MARK1: variants seen among roughly 807,000 people sequenced by gnomAD.
MARK1 encodes microtubule affinity regulating kinase 1, also known as serine/threonine-protein kinase MARK1.
In MARK1, 40 loss-of-function variants were observed where a neutral mutation model predicts 96.3. The observed-to-expected ratio is 0.42, with a 90% CI of 0.32 to 0.54. The LOEUF (loss-of-function observed/expected upper bound fraction) is 0.54. Ranked by LOEUF, MARK1 falls within the 20% of genes least tolerant of loss-of-function variation. The pLI, the probability that MARK1 is intolerant of heterozygous loss-of-function variation, is 0.16. For synonymous variants in MARK1, 317 were observed against 341.2 expected (o/e 0.93, Z 0.78); for missense variants, 719 against 984.6 (o/e 0.73, Z 3.61).
At position 220,635,409 on chromosome 1, in the gene MARK1, T is replaced by C; in HGVS notation, c.1156T>C (p.Leu386=). 1 of 1,608,180 alleles carries C rather than the reference T, an allele frequency of 6.2e-7. No homozygotes were observed. Among genetic ancestry groups the C allele is most frequent in the Non-Finnish European group, 8.5e-7 (1 of 1,177,680 alleles). ...EGGESLSSGN[L]CQRSRPSSDL... ...TGGTGAATCGTTATCCAGTGGAAAC[T>C]TGTGTCAGAGGTCCCGGCCCAGTAG... The change falls in exon 12 of 18, where the codon TTG becomes CTG. Residue 386 remains leucine (L), a synonymous_variant. Transcript: ENST00000366917.
chr1:220,655,317 ACTC>A (rs763760927), intron 16 of MARK1, among the ~76,000 whole-genome samples: 5 of 151,706 alleles, frequency 3.3e-5, no homozygotes, highest in Admixed American at 6.6e-5. Flanking sequence ...TGTATGAACA[ACTC>A]CTAACTGTAT....
chr1:220,630,861 T>C (rs2103004060), intron 9 of MARK1, among the ~76,000 whole-genome samples, 174 bp from the exon 10 acceptor site: 1 of 152,276 alleles, frequency 6.6e-6, no homozygotes, highest in South Asian at 2.1e-4. Context: ...GAGATAGTCA[T>C]AGTTGTTGTG....
chr1:220,542,890 T>C (rs929322907), intron 1 of MARK1, among the ~76,000 whole-genome samples: 3 of 152,220 alleles, frequency 2.0e-5, no homozygotes, highest in South Asian at 2.1e-4. Context: ...TACATACTTA[T>C]GGGATTTCCA....
intron 9 of MARK1, chr1:220,625,707 A>AC (rs1667286499): frequency 9.9e-6 from 4 of 404,914 alleles, no homozygotes; most frequent in South Asian, 7.7e-5. Context: ...TACTGTTGAG[A>AC]CCAACTGATG....
Position 220,662,652 on chromosome 1 carries a change from T to A in MARK1, c.*486T>A, listed in dbSNP as rs1332741581. Reference sequence around the variant, plus strand: ...TAGCATGGACCTTTAAAAATTGTTTTAAAATCTTATTTAAATTTAAACCAG... The same window carrying A: ...TAGCATGGACCTTTAAAAATTGTTTAAAAATCTTATTTAAATTTAAACCAG... On this transcript the variant is annotated 3_prime_UTR_variant, in exon 18 of 18. Coordinates refer to ENST00000366917, the MANE Select transcript of MARK1 (RefSeq NM_018650.5). 1 of 153,578 alleles carries A rather than the reference T, an allele frequency of 6.5e-6. No individual in the cohort carries two copies. The highest frequency in any genetic ancestry group is 1.5e-5 in the Non-Finnish European group (1 of 68,720). The allele number at this position is 153,578 out of a possible 1,614,324, so 9.5% of individuals were successfully genotyped here.
At chr1:220,534,568 A>G (rs1660550901) in intron 1 of MARK1, among the ~76,000 whole-genome samples, 1 of 152,062 alleles carries the variant, frequency 6.6e-6, no homozygotes, top group South Asian at 2.1e-4. Context: ...ATTTCACTTA[A>G]CATAATGACC....
intron 1 of MARK1, among the ~76,000 whole-genome samples, chr1:220,540,142 C>T (rs1378473700): frequency 6.6e-6 from 1 of 152,020 alleles, no homozygotes; most frequent in Non-Finnish European, 1.5e-5. Flanking sequence ...ATCCAATAGG[C>T]TGTATATAGA....
chr1:220,548,623 C>A (rs933353069), intron 1 of MARK1, among the ~76,000 whole-genome samples: 6 of 152,056 alleles, frequency 3.9e-5, no homozygotes, highest in African/African-American at 1.2e-4. Context: ...CCTGTAGTCC[C>A]AGCTACTTGG....
At chr1:220,628,166 A>G (rs1039911251) in intron 9 of MARK1, 5 of 152,176 alleles carry the variant, frequency 3.3e-5, no homozygotes, top group Non-Finnish European at 1.5e-5. Flanking sequence ...CTTCCTTCTC[A>G]GTATCTCACC....
At chr1:220,629,516 T>C (rs1383732659) in intron 9 of MARK1, among the ~76,000 whole-genome samples, 1 of 152,110 alleles carries the variant, frequency 6.6e-6, no homozygotes, top group Non-Finnish European at 1.5e-5. Context: ...TCTGTACTCA[T>C]TGAACAAATC....
chr1:220,580,679 A>G (rs757931071), intron 2 of MARK1, among the ~76,000 whole-genome samples: 1 of 152,192 alleles, frequency 6.6e-6, no homozygotes, highest in African/African-American at 2.4e-5. Context: ...TTGGATATCC[A>G]ATCTCTCTAC....
chr1:220,544,988 CAAGTA>C (rs1572053599), intron 1 of MARK1, among the ~76,000 whole-genome samples: 1 of 152,170 alleles, frequency 6.6e-6, no homozygotes, highest in East Asian at 1.9e-4. Flanking sequence ...TAGAGACAAA[CAAGTA>C]TAGTAGAAAG....
chr1:220,573,025 A>G lies in MARK1; in HGVS notation c.52-6329A>G, dbSNP rs566305835. 5.9e-5 allele frequency among the ~76,000 whole-genome samples: 9 copies of G among 152,074 alleles called. No individual in the cohort carries two copies. The East Asian group carries it at 1.6e-3, about 26-fold the overall frequency. On this transcript the variant is annotated intron_variant, in intron 1 of 17. Coordinates refer to ENST00000366917, the MANE Select transcript of MARK1 (RefSeq NM_018650.5). ...AGTTGCCATTTGTATTGTTATTCCTATGTGTGAATGTGTCATTTTTCCCTG... is the reference window on the plus strand; with the variant it reads ...AGTTGCCATTTGTATTGTTATTCCTGTGTGTGAATGTGTCATTTTTCCCTG...
Position 220,662,229 on chromosome 1 carries a change from T to C in MARK1, c.*63T>C, listed in dbSNP as rs1387700331. On this transcript the variant is annotated 3_prime_UTR_variant, in exon 18 of 18. Transcript: ENST00000366917. Reference sequence around the variant, plus strand: ...ATATATGAGGTACAGTTTTTGAATGTACTGGTAATGCCTAATGTGGTCTGC... The same window carrying C: ...ATATATGAGGTACAGTTTTTGAATGCACTGGTAATGCCTAATGTGGTCTGC... 1.3e-5 allele frequency: 16 copies of C among 1,262,930 alleles called. No individual in the cohort carries two copies. 78.2% of individuals were successfully genotyped at this position (1,262,930 alleles called of 1,614,324 possible).
chr1:220,550,154 C>T (rs545566470), intron 1 of MARK1, among the ~76,000 whole-genome samples: 16 of 152,312 alleles, frequency 1.1e-4, no homozygotes, highest in African/African-American at 3.4e-4. Flanking sequence ...TCTCTTGAGA[C>T]TGCATTGATT....
intron 1 of MARK1, among the ~76,000 whole-genome samples, chr1:220,544,775 C>A (rs189423708): frequency 6.6e-6 from 1 of 152,320 alleles, no homozygotes; most frequent in East Asian, 1.9e-4. Context: ...AGTTAACTAC[C>A]TGTAAAGTAT....
intron 1 of MARK1, among the ~76,000 whole-genome samples, chr1:220,554,262 A>G (rs973322985): frequency 1.3e-5 from 2 of 152,148 alleles, no homozygotes; most frequent in Non-Finnish European, 2.9e-5. Context: ...AATGTCATCA[A>G]TATAATGGAC....
Position 220,548,688 on chromosome 1 carries a change from G to A in MARK1, c.51+19815G>A, listed in dbSNP as rs73093507. Reference sequence around the variant, plus strand: ...TGGGAGGCAGAGACTGTGGTGAGCCGGAGGCTGCGGTGAGCCGAGATTGTG... The same window carrying A: ...TGGGAGGCAGAGACTGTGGTGAGCCAGAGGCTGCGGTGAGCCGAGATTGTG... On this transcript the variant is annotated intron_variant, in intron 1 of 17. Transcript: ENST00000366917. 3.7e-3 allele frequency among the ~76,000 whole-genome samples: 561 copies of A among 152,176 alleles called. 5 individuals carry two copies. The highest frequency in any genetic ancestry group is 0.013 in the African/African-American group (520 of 41,518).
At chr1:220,555,717 A>T (rs1292679725) in intron 1 of MARK1, among the ~76,000 whole-genome samples, 3 of 152,210 alleles carry the variant, frequency 2.0e-5, no homozygotes, top group African/African-American at 7.2e-5. Flanking sequence ...CCTATTCGAT[A>T]TCCATATGGA....
Sources: gnomAD v4.1 joint callset for allele counts (sites outside exome capture counted in the v4.1 genomes callset) on GRCh38, gnomAD v4.1.1 for gene constraint, MANE v1.5 for transcripts, NCBI Gene and HGNC (gene_info 2026-07-23, HGNC 2026-07-21) for gene names.